The following EPHA6 variants were observed in gnomAD, a reference collection of about 807,000 sequenced individuals.
The protein encoded by EPHA6 is EPH receptor A6.
Under a neutral mutation model 112.0 loss-of-function variants are expected in EPHA6, and 50 were observed. That is an observed-to-expected ratio of 0.45 (90% CI 0.36 to 0.56). EPHA6 has a LOEUF of 0.56. EPHA6 is among the 20% of genes least tolerant of loss of function. The pLI, the probability that EPHA6 is intolerant of heterozygous loss-of-function variation, is 0.00. For synonymous variants in EPHA6, 529 were observed against 490.7 expected (o/e 1.08, Z -1.03); for missense variants, 1,280 against 1,417.4 (o/e 0.90, Z 1.56).
intron 7 of EPHA6, among the ~76,000 whole-genome samples, chr3:97,457,541 A>G (rs2090728320): frequency 6.6e-6 from 1 of 152,164 alleles, no homozygotes; most frequent in African/African-American, 2.4e-5. Flanking sequence ...ATTAAATATT[A>G]TATGTTTATG....
At chr3:97,410,348 A>G (rs1200526417) in intron 6 of EPHA6, among the ~76,000 whole-genome samples, 1 of 152,046 alleles carries the variant, frequency 6.6e-6, no homozygotes, top group Non-Finnish European at 1.5e-5. Context: ...AAGAAAAACA[A>G]TCTTTCCTTC....
At chr3:97,691,183 G>T (rs2032641973) in intron 14 of EPHA6, among the ~76,000 whole-genome samples, 1 of 152,148 alleles carries the variant, frequency 6.6e-6, no homozygotes, top group Non-Finnish European at 1.5e-5. Flanking sequence ...CACACCATTT[G>T]TTGAAAGACT....
At chr3:97,006,012 G>C (rs942880658) in intron 3 of EPHA6, among the ~76,000 whole-genome samples, 1 of 152,094 alleles carries the variant, frequency 6.6e-6, no homozygotes, top group African/African-American at 2.4e-5. Flanking sequence ...TGCTGGATTC[G>C]GTTTGCCAGT....
chr3:97,467,066 C>A (rs2091079878), intron 7 of EPHA6, among the ~76,000 whole-genome samples: 1 of 151,814 alleles, frequency 6.6e-6, no homozygotes, highest in Non-Finnish European at 1.5e-5. Context: ...CATTCTAGCA[C>A]CAATGTTTCT....
chr3:97,459,628 G>A (rs1039591191), intron 7 of EPHA6, among the ~76,000 whole-genome samples: 15 of 152,068 alleles, frequency 9.9e-5, no homozygotes, highest in East Asian at 7.7e-4. Context: ...TGAGCTTCCC[G>A]TAACTGACTT....
At position 97,725,877 on chromosome 3, in the gene EPHA6, G is replaced by A. The variant is rs180901475; in HGVS notation, c.2934+5467G>A. On this transcript the variant is annotated intron_variant, in intron 15 of 17. Transcript: ENST00000389672. ...TTTCTAGCTAGAAAGATCTGGGATC[G>A]AATCCCAGATCCACAATTCACTAGC... is the stretch of plus-strand genomic sequence containing the variant. Among the ~76,000 whole-genome samples the A allele has an allele frequency of 1.0e-3, 156 of 152,078 alleles. 6 individuals are homozygous for A. The East Asian group carries it at 0.014, about 14-fold the overall frequency.
intron 5 of EPHA6, among the ~76,000 whole-genome samples, chr3:97,346,511 C>T (rs1014032221): frequency 1.5e-4 from 23 of 152,190 alleles, no homozygotes; most frequent in African/African-American, 4.6e-4. Context: ...CTCTGCCATC[C>T]TCAGGACTTC....
At chr3:97,634,088 G>A (rs2093925794) in intron 13 of EPHA6, among the ~76,000 whole-genome samples, 1 of 152,020 alleles carries the variant, frequency 6.6e-6, no homozygotes, top group Non-Finnish European at 1.5e-5. Context: ...AACTCCAATA[G>A]ATAAGAATAC....
intron 2 of EPHA6, among the ~76,000 whole-genome samples, chr3:96,888,972 G>T (rs1417379582): frequency 6.6e-6 from 1 of 152,034 alleles, no homozygotes; most frequent in South Asian, 2.1e-4. Flanking sequence ...TTTGCTGCTT[G>T]GAAATTTCTT....
At chr3:97,225,581 T>C (rs1459948818) in intron 3 of EPHA6, among the ~76,000 whole-genome samples, 1 of 152,196 alleles carries the variant, frequency 6.6e-6, no homozygotes, top group African/African-American at 2.4e-5. Flanking sequence ...TTGAAGAGAC[T>C]ATTGTATATT....
chr3:96,868,958 T>C (rs1402075756), intron 2 of EPHA6, among the ~76,000 whole-genome samples: 1 of 151,948 alleles, frequency 6.6e-6, no homozygotes, highest in Non-Finnish European at 1.5e-5. Context: ...GTCATTTCAG[T>C]GGAAAATTGA....
intron 5 of EPHA6, among the ~76,000 whole-genome samples, chr3:97,321,297 A>T: frequency 6.6e-6 from 1 of 151,894 alleles, no homozygotes; most frequent in Non-Finnish European, 1.5e-5. Context: ...AGATGCCAAT[A>T]ATTCTTTAAC....
intron 13 of EPHA6, among the ~76,000 whole-genome samples, chr3:97,632,237 G>A (rs1412383437): frequency 2.0e-5 from 3 of 151,944 alleles, no homozygotes; most frequent in African/African-American, 7.2e-5. Flanking sequence ...ACTCCTCTAA[G>A]AGAAAAATAA....
At chr3:96,918,934 A>T (rs979250417) in intron 2 of EPHA6, among the ~76,000 whole-genome samples, 1 of 152,028 alleles carries the variant, frequency 6.6e-6, no homozygotes. Flanking sequence ...CTGACACTGT[A>T]ATATTTTATA....
chr3:97,038,305 CT>C (rs764277124), intron 3 of EPHA6, among the ~76,000 whole-genome samples: 2 of 151,234 alleles, frequency 1.3e-5, no homozygotes, highest in Admixed American at 6.6e-5. Flanking sequence ...CCTCTTCATC[CT>C]TTCCCCCCCC....
intron 3 of EPHA6, among the ~76,000 whole-genome samples, chr3:97,054,163 AACACAC>A (rs138411869): frequency 0.076 from 11,137 of 145,588 alleles, 690 homozygotes; most frequent in Admixed American, 0.22. Flanking sequence ...ATAACTATCT[AACACAC>A]ACACACACAC....
chr3:96,855,211 A>G (rs1358773460), intron 1 of EPHA6, among the ~76,000 whole-genome samples: 1 of 152,140 alleles, frequency 6.6e-6, no homozygotes, highest in Admixed American at 6.5e-5. Context: ...CCACATAAAT[A>G]ATATAAAATA....
chr3:97,223,440 TA>T (rs899796537), intron 3 of EPHA6, among the ~76,000 whole-genome samples: 1 of 152,030 alleles, frequency 6.6e-6, no homozygotes, highest in Non-Finnish European at 1.5e-5. Flanking sequence ...GAGCAAGTGT[TA>T]AAAAAAGCCC....
At chr3:96,948,603 G>A (rs757248845) in intron 2 of EPHA6, among the ~76,000 whole-genome samples, 22 of 152,042 alleles carry the variant, frequency 1.4e-4, no homozygotes, top group Non-Finnish European at 2.6e-4. Context: ...ATATAGATTC[G>A]TGGTAAAAGG....
Sources: allele counts gnomAD v4.1 joint callset (sites outside exome capture counted in the v4.1 genomes callset), GRCh38; gene constraint gnomAD v4.1.1; transcripts MANE v1.5; gene names NCBI Gene and HGNC (gene_info 2026-07-23, HGNC 2026-07-21).